The following ATG9A variants were observed in gnomAD, a reference collection of about 807,000 sequenced individuals.
ATG9A encodes the protein autophagy related 9A.
ATG9A carries 21 observed loss-of-function variants against 87.1 expected under a neutral mutation model. The observed-to-expected ratio is 0.24, with a 90% CI of 0.17 to 0.35. ATG9A has a LOEUF of 0.35. Ranked by LOEUF, ATG9A falls within the 10% of genes least tolerant of loss-of-function variation. ATG9A has a pLI of 1.00. For missense variants in ATG9A, 836 were observed against 1,107.3 expected (o/e 0.76, Z 3.48); for synonymous variants, 422 against 441.3 (o/e 0.96, Z 0.55).
rs1950827480 is a variant in ATG9A, at chr2:219,224,772, T to G, written c.599A>C (p.Lys200Thr). ...GATGTCCAGTTCTGTCAGCTCACGT[T>G]TGTGGATGCAGATCTGGTGCTCCTT... is the stretch of plus-strand genomic sequence containing the variant. ...TQKEHQICIHKRELTELDIYH... is the reference protein window; with the variant it reads ...TQKEHQICIHTRELTELDIYH... The change falls in exon 8 of 16, where the codon AAA becomes ACA. Residue 200 changes from lysine to threonine, a missense_variant. By Grantham distance (78) the Lys-to-Thr change is moderately conservative. Transcript: ENST00000361242. The surrounding 1 kb of genome is among the most constrained non-coding windows in gnomAD (Gnocchi z 7.7). 5 of 1,614,166 alleles carry G rather than the reference T, an allele frequency of 3.1e-6. No individual in the cohort carries two copies. Among genetic ancestry groups the G allele is most frequent in the Non-Finnish European group, 4.2e-6 (5 of 1,180,036 alleles).
intron 13 of ATG9A, 79 bp from the exon 14 acceptor site, chr2:219,221,381 C>A: frequency 7.4e-7 from 1 of 1,349,626 alleles, no homozygotes; most frequent in South Asian, 1.5e-5. Context: ...TGGTATCAGT[C>A]AGTTCCCGCT....
intron 4 of ATG9A, 47 bp from the exon 5 acceptor site, chr2:219,226,980 C>T: frequency 1.3e-6 from 2 of 1,517,400 alleles, no homozygotes; most frequent in Non-Finnish European, 9.2e-7. Flanking sequence ...CAGGTAAGAG[C>T]ACAGACTTTG....
In ATG9A at chr2:219,228,019, C is replaced by T. The variant is rs751128242; in HGVS notation, c.6G>A (p.Ala2=). The T allele has an allele frequency of 8.7e-6, 14 of 1,613,090 alleles. No homozygotes were observed. Among genetic ancestry groups the T allele is most frequent in the Middle Eastern group, 1.7e-4 (1 of 6,058 alleles). Residue 2 remains alanine, a synonymous_variant, in exon 3 of 16, where the codon GCG becomes GCA. Transcript: ENST00000361242. ...GGCGCTGGTATTCAGTGTCAAACTGCGCCATCACCACCGCCCCCTGTCCAC... is the reference window on the plus strand; with the variant it reads ...GGCGCTGGTATTCAGTGTCAAACTGTGCCATCACCACCGCCCCCTGTCCAC... M[A]QFDTEYQRLE...
chr2:219,220,481 A>C (rs774701055), intron 15 of ATG9A, 29 bp from the exon 16 acceptor site: 3 of 1,613,298 alleles, frequency 1.9e-6, no homozygotes, highest in Non-Finnish European at 2.5e-6. Context: ...GGTAATGGAG[A>C]TAGTCTTCAG....
chr2:219,222,820 A>C lies in ATG9A; in HGVS notation c.1673T>G (p.Met558Arg). The C allele has an allele frequency of 6.2e-7, 1 of 1,614,206 alleles. No individual in the cohort carries two copies. Among genetic ancestry groups the C allele is most frequent in the Non-Finnish European group, 8.5e-7 (1 of 1,180,038 alleles). Residue 558 changes from methionine to arginine, a missense_variant, in exon 11 of 16, where the codon ATG becomes AGG. By Grantham distance (91) the Met-to-Arg change is moderately conservative (BLOSUM62 -1). Coordinates refer to ENST00000361242, the MANE Select transcript of ATG9A (RefSeq NM_001077198.3). The surrounding 1 kb of genome is among the most constrained non-coding windows in gnomAD (Gnocchi z 4.3). Reference sequence around the variant, plus strand: ...GCCAGGGTTGGTGATGGCAAAGTGCATGAGTGACAACTCTGTCTTTCCATC... The same window carrying C: ...GCCAGGGTTGGTGATGGCAAAGTGCCTGAGTGACAACTCTGTCTTTCCATC... ...AEDGKTELSLMHFAITNPGWQ... is the reference protein window; with the variant it reads ...AEDGKTELSLRHFAITNPGWQ...
intron 4 of ATG9A, 53 bp downstream of exon 4, chr2:219,227,717 C>A (rs772019061): frequency 6.9e-6 from 11 of 1,595,654 alleles, no homozygotes; most frequent in Non-Finnish European, 9.5e-6. Context: ...AGAGCCCCGG[C>A]TTAGAGAGAC....
At position 219,223,087 on chromosome 2, in the gene ATG9A, C is replaced by CT. The variant is rs34309756; in HGVS notation, c.1600-195dup. On this transcript the variant is annotated intron_variant, in intron 10 of 15. Transcript: ENST00000361242. This position sits in a 1 kb window ranked among gnomAD's most constrained non-coding sequence, Gnocchi z 4.7. ...GCTGAGCCAGTTACTTGTGTTGTGC[C>CT]TTTTTTTTTTTTTTTTTTGAGATGG... Among the ~76,000 whole-genome samples, 5,803 of 134,834 alleles carry CT rather than the reference C, an allele frequency of 0.043. 209 individuals are homozygous for CT. Among genetic ancestry groups the CT allele is most frequent in the African/African-American group, 0.079 (2,816 of 35,790 alleles). 88.5% of individuals were successfully genotyped at this position (134,834 alleles called of 152,430 possible). A position where few individuals can be genotyped will look rare whatever the true frequency, so the allele number is the denominator to read the frequency against.
chr2:219,228,168 C>T, intron 2 of ATG9A, 115 bp from the exon 3 acceptor site: 1 of 688,250 alleles, frequency 1.5e-6, no homozygotes, highest in South Asian at 1.9e-5. Context: ...TACCAGCCTC[C>T]TTGGCTCAGA....
In ATG9A at chr2:219,223,518, G is replaced by GT; in HGVS notation, c.1599+66dup. The GT allele has an allele frequency of 6.7e-7, 1 of 1,503,512 alleles. No individual in the cohort carries two copies. Among genetic ancestry groups the GT allele is most frequent in the East Asian group, 2.3e-5 (1 of 43,906 alleles). 93.1% of individuals were successfully genotyped at this position (1,503,512 alleles called of 1,614,324 possible). On this transcript the variant is annotated intron_variant, in intron 10 of 15. Transcript: ENST00000361242. The surrounding 1 kb of genome is among the most constrained non-coding windows in gnomAD (Gnocchi z 4.7). ...GACTCAGGAGAGGTGTCTTTTTGCGGTTTTCCCAAAGACACTGTATGTTCC... is the reference window on the plus strand; with the variant it reads ...GACTCAGGAGAGGTGTCTTTTTGCGGTTTTTCCCAAAGACACTGTATGTTCC...
In ATG9A at chr2:219,222,263, T is replaced by C. The variant is rs536171200; in HGVS notation, c.2027+9A>G. On this transcript the variant is annotated intron_variant, in intron 12 of 15. Transcript: ENST00000361242. This position sits in a 1 kb window ranked among gnomAD's most constrained non-coding sequence, Gnocchi z 4.3. ...CCGTGCCCTCCCATCTTGGCCCCGATTTACTCACCCAGAGCCTGTCATGGT... is the reference window on the plus strand; with the variant it reads ...CCGTGCCCTCCCATCTTGGCCCCGACTTACTCACCCAGAGCCTGTCATGGT... 56 of 1,613,316 alleles carry C rather than the reference T, an allele frequency of 3.5e-5. No homozygotes were observed. Among genetic ancestry groups the C allele is most frequent in the Non-Finnish European group, 4.6e-5 (54 of 1,179,996 alleles).
intron 1 of ATG9A, chr2:219,228,786 C>G (rs973134514): frequency 6.6e-6 from 1 of 152,290 alleles, no homozygotes; most frequent in South Asian, 2.1e-4. Context: ...ACCTTAGCCT[C>G]AGAAATGACA....
Position 219,229,030 on chromosome 2 carries a change from G to A in ATG9A, c.-82+505C>T, listed in dbSNP as rs898570411. ...CTCACCTGTCCGTGCAGCCCCTGGG[G>A]GCCGTGGATCTTGGCCCAGCCTGGC... On this transcript the variant is annotated intron_variant, in intron 1 of 15. Coordinates refer to ENST00000361242, the MANE Select transcript of ATG9A (RefSeq NM_001077198.3). The surrounding 1 kb of genome is among the most constrained non-coding windows in gnomAD (Gnocchi z 4.2). 3 of 152,386 alleles carry A rather than the reference G, an allele frequency of 2.0e-5. No individual in the cohort carries two copies. The highest frequency in any genetic ancestry group is 2.1e-4 in the South Asian group (1 of 4,828). 9.4% of individuals were successfully genotyped at this position (152,386 alleles called of 1,614,324 possible).
Position 219,227,914 on chromosome 2 carries a change from G to A in ATG9A, c.103+8C>T. On this transcript the variant is annotated splice_region_variant and intron_variant, in intron 3 of 15. Transcript: ENST00000361242. ...CTCTCCCTATGGCTGTCATATCCAA[G>A]AACTCACACTTGCTCCCCTCGGCGA... 6.2e-7 allele frequency: 1 copy of A among 1,613,994 alleles called. No individual in the cohort carries two copies. Among genetic ancestry groups the A allele is most frequent in the Non-Finnish European group, 8.5e-7 (1 of 1,179,888 alleles).
intron 13 of ATG9A, among the ~76,000 whole-genome samples, chr2:219,221,515 C>A (rs945454358): frequency 6.6e-6 from 1 of 152,076 alleles, no homozygotes; most frequent in Non-Finnish European, 1.5e-5. Flanking sequence ...TTGTAATGGC[C>A]CTCATTTTAC....
At position 219,222,626 on chromosome 2, in the gene ATG9A, C is replaced by G. The variant is rs769643149; in HGVS notation, c.1848+19G>C. Reference sequence around the variant, plus strand: ...TGAAGTCCACTCTGCCCATCATCTCCCAGTCACCAGGAACACACCTCAGAC... The same window carrying G: ...TGAAGTCCACTCTGCCCATCATCTCGCAGTCACCAGGAACACACCTCAGAC... On this transcript the variant is annotated intron_variant, in intron 11 of 15. Coordinates refer to ENST00000361242, the MANE Select transcript of ATG9A (RefSeq NM_001077198.3). The surrounding 1 kb of genome is among the most constrained non-coding windows in gnomAD (Gnocchi z 4.3). 3 of 1,611,968 alleles carry G rather than the reference C, an allele frequency of 1.9e-6. No individual in the cohort carries two copies. Among genetic ancestry groups the G allele is most frequent in the Non-Finnish European group, 1.7e-6 (2 of 1,178,174 alleles).
Position 219,221,176 on chromosome 2 carries a change from G to A in ATG9A, c.2272C>T (p.Arg758Cys), listed in dbSNP as rs370193046. The A allele has an allele frequency of 1.6e-5, 26 of 1,603,838 alleles. No individual in the cohort carries two copies. Among genetic ancestry groups the A allele is most frequent in the African/African-American group, 5.4e-5 (4 of 74,522 alleles). The stretch of plus-strand genomic sequence containing the variant: ...GCTGCACAGGGATAGCTAGCAGAGC[G>A]AGGGATAGACTGGGGGGCCCGGGCG... ...EGARAPQSIPRSASYPCAAPR... is the reference protein window; with the variant it reads ...EGARAPQSIPCSASYPCAAPR... Residue 758 changes from arginine to cysteine, a missense_variant, in exon 14 of 16, where the codon CGC becomes TGC. By Grantham distance (180) the Arg-to-Cys change is radical (BLOSUM62 -3). Transcript: ENST00000361242.
chr2:219,228,968 C>A (rs1950936105), intron 1 of ATG9A: 1 of 152,216 alleles, frequency 6.6e-6, no homozygotes, highest in Non-Finnish European at 1.5e-5. Flanking sequence ...TTTGTGGGTT[C>A]CCTAGGTCCT....
rs1950772665 is a variant in ATG9A at position 219,222,083 on chromosome 2, T to C, written c.2112A>G (p.Thr704=). Residue 704 remains threonine, a synonymous_variant, in exon 13 of 16, where the codon ACA becomes ACG. Coordinates refer to ENST00000361242, the MANE Select transcript of ATG9A (RefSeq NM_001077198.3). The surrounding 1 kb of genome is among the most constrained non-coding windows in gnomAD (Gnocchi z 4.3). ...QSLVLSEYAS[T]EMSLHALYMH... ...TATAGAGGGCATGCAGGCTCATCTCTGTGGATGCATATTCTGACAGCACCA... is the reference window on the plus strand; with the variant it reads ...TATAGAGGGCATGCAGGCTCATCTCCGTGGATGCATATTCTGACAGCACCA... 1 of 1,613,990 alleles carries C rather than the reference T, an allele frequency of 6.2e-7. No individual in the cohort carries two copies.
In ATG9A at chr2:219,226,978, A is replaced by C. The variant is rs148325097; in HGVS notation, c.148-45T>G. ...GTAGTCAGTAAAGAAAGCAGGTAAG[A>C]GCACAGACTTTGGTGTCAACACACT... On this transcript the variant is annotated intron_variant, in intron 4 of 15. Transcript: ENST00000361242. The C allele has an allele frequency of 6.6e-5, 101 of 1,522,730 alleles. No individual in the cohort carries two copies. The East Asian group carries it at 2.2e-3, about 34-fold the overall frequency. The allele number at this position is 1,522,730 out of a possible 1,614,324, so 94.3% of individuals were successfully genotyped here. A position where few individuals can be genotyped will look rare whatever the true frequency, so the allele number is the denominator to read the frequency against.
Sources: gnomAD v4.1 joint callset for allele counts (sites outside exome capture counted in the v4.1 genomes callset) on GRCh38, gnomAD v4.1.1 for gene constraint, Gnocchi (gnomAD v3.1) non-coding constraint, MANE v1.5 for transcripts, NCBI Gene and HGNC (gene_info 2026-07-23, HGNC 2026-07-21) for gene names.